Variants in FRMD5 observed in about 807,000 individuals in gnomAD.
FRMD5 encodes FERM domain containing 5.
In FRMD5, 20 loss-of-function variants were observed where a neutral mutation model predicts 69.0. That is an observed-to-expected ratio of 0.29 (90% CI 0.20 to 0.42). FRMD5 has a LOEUF of 0.42. Ranked by LOEUF, FRMD5 falls within the 10% of genes least tolerant of loss-of-function variation. The pLI, the probability that FRMD5 is intolerant of heterozygous loss-of-function variation, is 1.00. For synonymous variants in FRMD5, 271 were observed against 260.1 expected, an observed-to-expected ratio of 1.04 and a Z score of -0.40; for missense variants, 595 against 708.6, an observed-to-expected ratio of 0.84 and a Z score of 1.82.
chr15:44,156,515 T>G (rs1281445106), intron 1 of FRMD5, among the ~76,000 whole-genome samples: 2 of 152,212 alleles, frequency 1.3e-5, no homozygotes, highest in African/African-American at 4.8e-5. Flanking sequence ...GTTGAGGATT[T>G]TTTAGTAGCT....
chr15:43,893,536 G>A (rs2088844569), intron 7 of FRMD5, among the ~76,000 whole-genome samples: 1 of 152,218 alleles, frequency 6.6e-6, no homozygotes, highest in South Asian at 2.1e-4. Flanking sequence ...ATTTGGCACC[G>A]TCAGGCTGCA....
intron 1 of FRMD5, among the ~76,000 whole-genome samples, chr15:44,169,422 C>G (rs917879508): frequency 4.0e-5 from 6 of 151,776 alleles, no homozygotes; most frequent in Non-Finnish European, 2.9e-5. Context: ...TAAAAAAAAC[C>G]TCTGAGACCT....
Position 43,980,571 on chromosome 15 carries a change from G to C in FRMD5, c.103-56262C>G, listed in dbSNP as rs16953895. Among the ~76,000 whole-genome samples the C allele has an allele frequency of 9.0e-3, 1,365 of 152,222 alleles. 45 individuals are homozygous for C. In the East Asian group the frequency reaches 0.1, roughly 12 times the overall value. Reference sequence around the variant, plus strand: ...CAATACTCCCTGGCTTGTGGTGCTAGATCTTTCTACTCTTGACACCATTCT... The same window carrying C: ...CAATACTCCCTGGCTTGTGGTGCTACATCTTTCTACTCTTGACACCATTCT... On this transcript the variant is annotated intron_variant, in intron 1 of 13. Coordinates refer to ENST00000417257, the MANE Select transcript of FRMD5 (RefSeq NM_032892.5).
rs117386110 is a variant in FRMD5 at position 44,100,680 on chromosome 15, G to A, written c.102+94273C>T. On this transcript the variant is annotated intron_variant, in intron 1 of 13. Transcript: ENST00000417257. ...CATCAATGAGACACAGTGCAAGGAG[G>A]TGCTATCTCCCAAGGCAGATGTGAA... Among the ~76,000 whole-genome samples the A allele has an allele frequency of 3.1e-3, 469 of 152,272 alleles. 3 individuals carry two copies. Among genetic ancestry groups the A allele is most frequent in the Non-Finnish European group, 5.4e-3 (367 of 68,000 alleles).
chr15:43,963,426 T>C (rs970000442), intron 1 of FRMD5, among the ~76,000 whole-genome samples: 43 of 152,152 alleles, frequency 2.8e-4, no homozygotes, highest in African/African-American at 1.0e-3. Flanking sequence ...GGAGAGGATG[T>C]GGAGAAATAG....
chr15:44,079,273 C>T (rs1454906200), intron 1 of FRMD5, among the ~76,000 whole-genome samples: 1 of 151,922 alleles, frequency 6.6e-6, no homozygotes, highest in African/African-American at 2.4e-5. Flanking sequence ...AACAAGGTAA[C>T]AAATGTTGTC....
At position 44,013,168 on chromosome 15, in the gene FRMD5, T is replaced by G. The variant is rs139699478; in HGVS notation, c.103-88859A>C. 6.0e-4 allele frequency among the ~76,000 whole-genome samples: 91 copies of G among 152,312 alleles called. 1 individual carries two copies. Among genetic ancestry groups the G allele is most frequent in the Admixed American group, 1.2e-3 (18 of 15,290 alleles). ...CTTTGAGAAGCTGAGGCAGGATGAC[T>G]GCTTGAGGCGAGGAGTTTAAGACCA... On this transcript the variant is annotated intron_variant, in intron 1 of 13. Transcript: ENST00000417257.
intron 1 of FRMD5, among the ~76,000 whole-genome samples, chr15:44,190,185 C>T (rs941664243): frequency 2.0e-5 from 3 of 152,142 alleles, no homozygotes; most frequent in African/African-American, 7.2e-5. Context: ...ACGAGCAACT[C>T]GCAGAGTCAG....
intron 1 of FRMD5, among the ~76,000 whole-genome samples, chr15:44,140,789 A>C (rs2555366): frequency 3.3e-5 from 5 of 149,496 alleles, no homozygotes; most frequent in Non-Finnish European, 7.4e-5. Context: ...AGGCTGAGGT[A>C]GGAGGGTCGC....
At chr15:43,965,532 C>T (rs1484760714) in intron 1 of FRMD5, among the ~76,000 whole-genome samples, 1 of 151,822 alleles carries the variant, frequency 6.6e-6, no homozygotes, top group Non-Finnish European at 1.5e-5. Flanking sequence ...TCCCACCATG[C>T]CACCCTCTAA....
intron 1 of FRMD5, among the ~76,000 whole-genome samples, chr15:44,119,596 G>T (rs1342902473): frequency 6.6e-6 from 1 of 152,074 alleles, no homozygotes; most frequent in Non-Finnish European, 1.5e-5. Context: ...ATAAATTTCA[G>T]ATCCTTTCAT....
At chr15:44,100,188 G>A (rs1162405033) in intron 1 of FRMD5, among the ~76,000 whole-genome samples, 1 of 151,496 alleles carries the variant, frequency 6.6e-6, no homozygotes, top group Non-Finnish European at 1.5e-5. Context: ...CAAGTAGCTG[G>A]GACTACAGGC....
intron 1 of FRMD5, among the ~76,000 whole-genome samples, chr15:43,942,031 C>A (rs1233514568): frequency 1.3e-5 from 2 of 152,174 alleles, no homozygotes; most frequent in African/African-American, 4.8e-5. Context: ...CCCAAAGCTT[C>A]ATTTGCATTT....
intron 1 of FRMD5, among the ~76,000 whole-genome samples, chr15:44,166,434 T>C (rs892780114): frequency 7.9e-5 from 12 of 152,262 alleles, no homozygotes; most frequent in South Asian, 2.1e-4. Flanking sequence ...AATTTTTATG[T>C]GGTATATCTT....
At chr15:44,108,474 G>A (rs1009433500) in intron 1 of FRMD5, among the ~76,000 whole-genome samples, 10 of 152,000 alleles carry the variant, frequency 6.6e-5, no homozygotes, top group African/African-American at 1.7e-4. Context: ...GAGAAACCCC[G>A]TCTCTACTAA....
chr15:44,191,995 G>A (rs1043871767), intron 1 of FRMD5, among the ~76,000 whole-genome samples: 2 of 146,858 alleles, frequency 1.4e-5, no homozygotes, highest in African/African-American at 5.0e-5. Flanking sequence ...GACCAGATCT[G>A]CATTTACGAG....
intron 1 of FRMD5, among the ~76,000 whole-genome samples, chr15:44,114,976 G>C (rs1336530190): frequency 6.6e-6 from 1 of 152,140 alleles, no homozygotes; most frequent in Non-Finnish European, 1.5e-5. Context: ...GATTTTTCAA[G>C]AGAAGCTACA....
At chr15:44,001,639 C>CT (rs377563513) in intron 1 of FRMD5, among the ~76,000 whole-genome samples, 1 of 148,368 alleles carries the variant, frequency 6.7e-6, no homozygotes, top group East Asian at 2.0e-4. Flanking sequence ...ACAAAAATCA[C>CT]TTTGTCATTC....
At chr15:44,059,481 A>C (rs1386168522) in intron 1 of FRMD5, among the ~76,000 whole-genome samples, 1 of 152,192 alleles carries the variant, frequency 6.6e-6, no homozygotes, top group Non-Finnish European at 1.5e-5. Context: ...CTTATTTAAA[A>C]CAAGAGATAT....
Sources: gnomAD v4.1 joint callset for allele counts (sites outside exome capture counted in the v4.1 genomes callset) on GRCh38, gnomAD v4.1.1 for gene constraint, MANE v1.5 for transcripts, NCBI Gene and HGNC (gene_info 2026-07-23, HGNC 2026-07-21) for gene names.